Variants in NOSTRIN observed in about 807,000 individuals in gnomAD.
NOSTRIN encodes nitric oxide synthase trafficking.
In NOSTRIN, 63 loss-of-function variants were observed where a neutral mutation model predicts 59.0. The ratio of observed to expected loss-of-function variants is 1.07; its 90% CI spans 0.87 to 1.32. NOSTRIN has a LOEUF of 1.32. Among genes scored for constraint, NOSTRIN ranks in the 40% most tolerant of loss-of-function variants. The pLI is 0.00. For missense variants in NOSTRIN, 512 were observed against 473.1 expected, an observed-to-expected ratio of 1.08 and a Z score of -0.76; for synonymous variants, 200 against 165.4, an observed-to-expected ratio of 1.21 and a Z score of -1.61.
At chr2:168,798,541 G>A (rs1036828364), upstream of NOSTRIN, among the ~76,000 whole-genome samples, 1 of 152,144 alleles carries the variant, frequency 6.6e-6, no homozygotes, top group Non-Finnish European at 1.5e-5. Flanking sequence ...TCCGTTGCAG[G>A]TTTTCTTTCT....
upstream of NOSTRIN, among the ~76,000 whole-genome samples, chr2:168,797,438 G>A (rs978125368): frequency 1.3e-5 from 2 of 152,056 alleles, no homozygotes; most frequent in African/African-American, 2.4e-5. Flanking sequence ...CAAAGTAAAA[G>A]AGGTGTGTGC....
upstream of NOSTRIN, among the ~76,000 whole-genome samples, chr2:168,798,805 C>A (rs1365383541): frequency 5.5e-5 from 3 of 54,066 alleles, no homozygotes; most frequent in Non-Finnish European, 7.5e-5. Flanking sequence ...TTCGATCGAT[C>A]GATCGATCGA....
At chr2:168,805,010 G>A (rs933358420) in intron 1 of NOSTRIN, among the ~76,000 whole-genome samples, 4 of 152,040 alleles carry the variant, frequency 2.6e-5, no homozygotes, top group African/African-American at 7.2e-5. Context: ...TAATAAAAAA[G>A]CACATAATAT....
At chr2:168,840,529 C>CAAAAAA (rs59235003) in intron 7 of NOSTRIN, among the ~76,000 whole-genome samples, 209 of 99,162 alleles carry the variant, frequency 2.1e-3, no homozygotes, top group Non-Finnish European at 2.6e-3. Context: ...GACTCCATCT[C>CAAAAAA]AAAAAAAAAA....
At chr2:168,825,572 T>C (rs375619516) in intron 3 of NOSTRIN, among the ~76,000 whole-genome samples, 10 of 152,336 alleles carry the variant, frequency 6.6e-5, no homozygotes, top group Admixed American at 3.3e-4. Context: ...AATGAGATCA[T>C]GTGTGTGGAG....
At chr2:168,793,499 T>A (rs969408801), upstream of NOSTRIN, among the ~76,000 whole-genome samples, 5 of 152,034 alleles carry the variant, frequency 3.3e-5, no homozygotes, top group African/African-American at 9.7e-5. Flanking sequence ...TAGCTCTAAC[T>A]GCTTGGAAGG....
intron 15 of NOSTRIN, among the ~76,000 whole-genome samples, chr2:168,862,773 T>TTAG (rs1689547588): frequency 7.0e-6 from 1 of 143,110 alleles, no homozygotes; most frequent in Non-Finnish European, 1.6e-5. Context: ...ATGTGTCCAG[T>TTAG]TAGAAACCAT....
chr2:168,834,400 G>T (rs752003865), intron 7 of NOSTRIN, 75 bp downstream of exon 7: 2 of 770,666 alleles, frequency 2.6e-6, no homozygotes, highest in Admixed American at 3.8e-5. Context: ...ACGAACACAA[G>T]AGAACGGGTT....
upstream of NOSTRIN, among the ~76,000 whole-genome samples, chr2:168,798,804 T>C (rs1451348718): frequency 6.1e-5 from 3 of 49,364 alleles, no homozygotes; most frequent in Non-Finnish European, 1.3e-4. Flanking sequence ...CTTCGATCGA[T>C]CGATCGATCG....
chr2:168,863,098 AATTGATTATCTTGTT>A (rs1689574884), intron 15 of NOSTRIN, among the ~76,000 whole-genome samples: 1 of 152,152 alleles, frequency 6.6e-6, no homozygotes, highest in African/African-American at 2.4e-5. Context: ...ATTCACAATA[AATTGATTATCTTGTT>A]TTCAGTTCTC....
intron 1 of NOSTRIN, among the ~76,000 whole-genome samples, chr2:168,810,233 G>T (rs1686061867): frequency 6.6e-6 from 1 of 152,124 alleles, no homozygotes; most frequent in Admixed American, 6.6e-5. Flanking sequence ...CACTCTCCTT[G>T]TATCCCAAGC....
At chr2:168,859,373 G>A in intron 12 of NOSTRIN, 139 bp from the exon 13 acceptor site, 2 of 1,318,954 alleles carry the variant, frequency 1.5e-6, no homozygotes, top group Non-Finnish European at 1.0e-6. Flanking sequence ...TTTTCCTTCG[G>A]CATTTTCTGT....
intron 11 of NOSTRIN, 101 bp from the exon 12 acceptor site, chr2:168,856,589 C>G (rs1026943682): frequency 4.0e-6 from 4 of 996,912 alleles, no homozygotes; most frequent in African/African-American, 1.6e-5. Flanking sequence ...AAAAAAATCT[C>G]ACTGGTATCA....
intron 8 of NOSTRIN, among the ~76,000 whole-genome samples, chr2:168,847,419 T>C (rs1224579087): frequency 6.6e-6 from 1 of 152,172 alleles, no homozygotes; most frequent in Non-Finnish European, 1.5e-5. Context: ...TCTGAATCAA[T>C]CAGAGCCTCT....
upstream of NOSTRIN, among the ~76,000 whole-genome samples, chr2:168,797,616 C>G (rs967163637): frequency 3.3e-5 from 5 of 151,974 alleles, no homozygotes; most frequent in African/African-American, 1.2e-4. Flanking sequence ...AATAACATGT[C>G]ATCATCTCAA....
In NOSTRIN at chr2:168,865,113, C is replaced by T. The variant is rs181853503; in HGVS notation, c.*143C>T. The T allele has an allele frequency of 1.3e-4, 109 of 839,250 alleles. 1 individual carries two copies. In the African/African-American group the frequency reaches 1.6e-3, roughly 12 times the overall value. 52.0% of individuals were successfully genotyped at this position (839,250 alleles called of 1,614,324 possible). A position where few individuals can be genotyped will look rare whatever the true frequency, so the allele number is the denominator to read the frequency against. ...CCTGCATGTCACAGCACTTTGCATT[C>T]ATGATTATTAGCTTGAAACAGTCAG... is the stretch of plus-strand genomic sequence containing the variant. On this transcript the variant is annotated 3_prime_UTR_variant, in exon 16 of 16. Coordinates refer to ENST00000317647, the MANE Select transcript of NOSTRIN (RefSeq NM_001039724.4).
At chr2:168,807,870 A>G (rs1255410099) in intron 1 of NOSTRIN, among the ~76,000 whole-genome samples, 2 of 152,200 alleles carry the variant, frequency 1.3e-5, no homozygotes, top group African/African-American at 2.4e-5. Context: ...ATGACAGAAA[A>G]TCATCTTCCA....
chr2:168,850,277 C>A (rs1298908811), intron 8 of NOSTRIN, among the ~76,000 whole-genome samples: 1 of 152,120 alleles, frequency 6.6e-6, no homozygotes, highest in Non-Finnish European at 1.5e-5. Context: ...ACCCTTCCTA[C>A]CTAAAAGTCA....
chr2:168,808,227 C>T (rs1685961424), intron 1 of NOSTRIN, among the ~76,000 whole-genome samples: 1 of 152,178 alleles, frequency 6.6e-6, no homozygotes, highest in African/African-American at 2.4e-5. Context: ...CTACATGCCC[C>T]CATTCCACGC....
Sources: gnomAD v4.1 joint callset for allele counts (sites outside exome capture counted in the v4.1 genomes callset) on GRCh38, gnomAD v4.1.1 for gene constraint, MANE v1.5 for transcripts, NCBI Gene and HGNC (gene_info 2026-07-23, HGNC 2026-07-21) for gene names.